GCH1: variants seen among roughly 807,000 people sequenced by gnomAD.
GCH1 encodes GTP cyclohydrolase 1.
A neutral mutation model predicts 25.9 loss-of-function variants in GCH1; 5 were observed. That is an observed-to-expected ratio of 0.19 (90% CI 0.10 to 0.41). GCH1 has a LOEUF of 0.41. GCH1 is among the 10% of genes least tolerant of loss of function. The pLI is 1.00. For synonymous variants in GCH1, 159 were observed against 129.6 expected (o/e 1.23, Z -1.54); for missense variants, 261 against 336.5 (o/e 0.78, Z 1.75).
At chr14:54,864,529 T>C (rs2039963908) in intron 2 of GCH1, among the ~76,000 whole-genome samples, 1 of 152,252 alleles carries the variant, frequency 6.6e-6, no homozygotes, top group Admixed American at 6.5e-5. Context: ...TCAAATGTTT[T>C]ACTTTTGGTT....
intron 3 of GCH1, among the ~76,000 whole-genome samples, chr14:54,847,795 T>G (rs1594971928): frequency 6.6e-6 from 1 of 152,254 alleles, no homozygotes; most frequent in East Asian, 1.9e-4. Flanking sequence ...AGTCTCCAAC[T>G]GTGACGTTCA....
chr14:54,862,752 G>C (rs1049180900), intron 2 of GCH1, among the ~76,000 whole-genome samples: 2 of 151,554 alleles, frequency 1.3e-5, no homozygotes, highest in African/African-American at 4.9e-5. Flanking sequence ...ACCGTGCCCA[G>C]CCCTTACGAA....
chr14:54,890,061 G>A (rs926776052), intron 1 of GCH1, among the ~76,000 whole-genome samples: 1 of 152,168 alleles, frequency 6.6e-6, no homozygotes, highest in African/African-American at 2.4e-5. Flanking sequence ...GACAAGCTAG[G>A]AGGCAAGAAG....
chr14:54,885,477 T>C (rs563491663), intron 1 of GCH1: 8 of 261,748 alleles, frequency 3.1e-5, no homozygotes, highest in Non-Finnish European at 3.0e-5. Flanking sequence ...GATAGATAGA[T>C]GCTTCTAGAA....
chr14:54,889,313 C>T (rs906913979), intron 1 of GCH1, among the ~76,000 whole-genome samples: 3 of 152,216 alleles, frequency 2.0e-5, no homozygotes, highest in Non-Finnish European at 4.4e-5. Flanking sequence ...TTCCTCACTG[C>T]TAACGAACAC....
chr14:54,848,478 T>C (rs1283850727), intron 3 of GCH1, among the ~76,000 whole-genome samples: 5 of 152,170 alleles, frequency 3.3e-5, no homozygotes, highest in African/African-American at 1.2e-4. Flanking sequence ...TTATGAAATA[T>C]AAAGATGACC....
chr14:54,885,832 T>C (rs1250786430), intron 1 of GCH1: 1 of 180,590 alleles, frequency 5.5e-6, no homozygotes, highest in African/African-American at 2.4e-5. Flanking sequence ...GAAGTTGCAA[T>C]GAGCTGAGAT....
chr14:54,867,328 C>T (rs1012331159), intron 1 of GCH1, among the ~76,000 whole-genome samples: 1 of 152,074 alleles, frequency 6.6e-6, no homozygotes, highest in African/African-American at 2.4e-5. Context: ...TGGCTCATGC[C>T]TGTAATCCCA....
At chr14:54,889,297 T>C (rs2040395271) in intron 1 of GCH1, among the ~76,000 whole-genome samples, 1 of 152,216 alleles carries the variant, frequency 6.6e-6, no homozygotes, top group Non-Finnish European at 1.5e-5. Flanking sequence ...CAGGCACGCA[T>C]AGCCCTTCCT....
rs933060409 is a variant in GCH1 at position 54,843,423 on chromosome 14, T to C, written c.*594A>G. The C allele has an allele frequency of 4.7e-5, 57 of 1,224,828 alleles. No individual in the cohort carries two copies. The highest frequency in any genetic ancestry group is 3.3e-4 in the Middle Eastern group (1 of 3,042). The allele number at this position is 1,224,828 out of a possible 1,614,324, so 75.9% of individuals were successfully genotyped here. Reference sequence around the variant, plus strand: ...AATAGAAGGTAGAAATGTGCCTTTTTAACTCACAGTAAAATCAAAAACATA... The same window carrying C: ...AATAGAAGGTAGAAATGTGCCTTTTCAACTCACAGTAAAATCAAAAACATA... On this transcript the variant is annotated 3_prime_UTR_variant, in exon 6 of 6. Transcript: ENST00000491895.
intron 1 of GCH1, among the ~76,000 whole-genome samples, 171 bp downstream of exon 1, chr14:54,902,150 C>A (rs1425518663): frequency 6.6e-6 from 1 of 152,196 alleles, no homozygotes. Flanking sequence ...CGACTGTGCC[C>A]CACGCAGGGC....
At chr14:54,887,012 C>T (rs765326922) in intron 1 of GCH1, among the ~76,000 whole-genome samples, 11 of 152,156 alleles carry the variant, frequency 7.2e-5, no homozygotes, top group Non-Finnish European at 5.9e-5. Flanking sequence ...ACTGCCAGAA[C>T]CAAAGTGGTG....
At chr14:54,866,068 T>C (rs1405222013) in intron 1 of GCH1, among the ~76,000 whole-genome samples, 5 of 152,056 alleles carry the variant, frequency 3.3e-5, no homozygotes, top group Non-Finnish European at 7.4e-5. Context: ...CAGTGTCTTG[T>C]TTAAGCTGTG....
At chr14:54,858,932 AG>A (rs2039854591) in intron 3 of GCH1, among the ~76,000 whole-genome samples, 1 of 152,262 alleles carries the variant, frequency 6.6e-6, no homozygotes, top group African/African-American at 2.4e-5. Context: ...CAAATAAAAA[AG>A]GCAGTAAGGG....
At chr14:54,852,125 C>T (rs986178932) in intron 3 of GCH1, among the ~76,000 whole-genome samples, 7 of 152,016 alleles carry the variant, frequency 4.6e-5, no homozygotes, top group African/African-American at 1.7e-4. Flanking sequence ...TGCTCAAGGT[C>T]GACAGGTTCT....
intron 1 of GCH1, among the ~76,000 whole-genome samples, chr14:54,890,260 G>A (rs987832512): frequency 2.6e-5 from 4 of 152,220 alleles, no homozygotes; most frequent in East Asian, 1.9e-4. Context: ...CACTTTGGGA[G>A]GCCGAGGTGG....
intron 3 of GCH1, among the ~76,000 whole-genome samples, chr14:54,858,428 G>C (rs946512784): frequency 2.0e-5 from 3 of 152,042 alleles, no homozygotes; most frequent in African/African-American, 7.2e-5. Flanking sequence ...TGGGATTACA[G>C]GTGTGCGCCA....
intron 3 of GCH1, among the ~76,000 whole-genome samples, chr14:54,854,349 G>A (rs1412519688): frequency 6.6e-6 from 1 of 152,168 alleles, no homozygotes; most frequent in Non-Finnish European, 1.5e-5. Flanking sequence ...AGATAAGAAA[G>A]GCCCAGCAAA....
Position 54,865,387 on chromosome 14 carries a change from A to C in GCH1, c.393T>G (p.Ile131Met). ...IFDEDHDEMV[I>M]VKDIDMFSMC... ...TGGAAAACATGTCTATGTCCTTCACAATCACCATCTCATCATGATCTTCAT... is the reference window on the plus strand; with the variant it reads ...TGGAAAACATGTCTATGTCCTTCACCATCACCATCTCATCATGATCTTCAT... The change falls in exon 2 of 6, where the codon ATT (isoleucine) becomes ATG (methionine). Residue 131 changes from isoleucine (I) to methionine (M), a missense_variant. Ile to Met is a conservative substitution (Grantham distance 10). This residue lies in a region of GCH1 where 130 missense variants were observed against 184.1 expected (regional missense o/e 0.71). Coordinates refer to ENST00000491895, the MANE Select transcript of GCH1 (RefSeq NM_000161.3). 6.3e-7 allele frequency: 1 copy of C among 1,596,552 alleles called. No homozygotes were observed.
Sources: allele counts gnomAD v4.1 joint callset (sites outside exome capture counted in the v4.1 genomes callset), GRCh38; gene constraint gnomAD v4.1.1; regional missense constraint gnomAD v4.1.1; transcripts MANE v1.5; gene names NCBI Gene and HGNC (gene_info 2026-07-23, HGNC 2026-07-21).